PDE1A: variants seen among roughly 807,000 people sequenced by gnomAD.
The protein encoded by PDE1A is phosphodiesterase 1A, also known as dual specificity calcium/calmodulin-dependent 3',5'-cyclic nucleotide phosphodiesterase 1A.
A neutral mutation model predicts 61.7 loss-of-function variants in PDE1A; 35 were observed. The observed-to-expected ratio is 0.57, with a 90% CI of 0.43 to 0.75. PDE1A has a LOEUF of 0.75. Ranked by LOEUF, PDE1A falls within the 30% of genes least tolerant of loss-of-function variation. The pLI is 0.00. For missense variants in PDE1A, 597 were observed against 630.6 expected (o/e 0.95, Z 0.57); for synonymous variants, 232 against 213.2 (o/e 1.09, Z -0.77).
chr2:182,595,717 T>G, the PDE1A span, among the ~76,000 whole-genome samples: 2 of 152,174 alleles, frequency 1.3e-5, no homozygotes, highest in African/African-American at 4.8e-5. Context: ...AAACTAAAAT[T>G]CAGCTTTCTC....
chr2:182,704,104 A>G, the PDE1A span, among the ~76,000 whole-genome samples: 3 of 150,278 alleles, frequency 2.0e-5, no homozygotes, highest in Admixed American at 1.3e-4. Context: ...CCAGCTACTC[A>G]GGAGGCTGAG....
At chr2:182,653,238 C>A in the PDE1A span, among the ~76,000 whole-genome samples, 1 of 152,166 alleles carries the variant, frequency 6.6e-6, no homozygotes, top group East Asian at 1.9e-4. Context: ...GAATTCCATC[C>A]TGAGGTGGAC....
chr2:182,229,457 T>C (rs1559222696), intron 6 of PDE1A, among the ~76,000 whole-genome samples: 1 of 152,128 alleles, frequency 6.6e-6, no homozygotes, highest in South Asian at 2.1e-4. Context: ...TGTCATACAC[T>C]CACTGTTATT....
At chr2:182,266,063 A>G (rs1184557630) in intron 1 of PDE1A, among the ~76,000 whole-genome samples, 1 of 152,208 alleles carries the variant, frequency 6.6e-6, no homozygotes, top group Middle Eastern at 3.2e-3. Flanking sequence ...CTATGGGAAA[A>G]AAAAGACACA....
Position 182,384,491 on chromosome 2 carries a change from A to AATAAT in PDE1A, c.53+42086_53+42087insATTAT, listed in dbSNP as rs1559402165. Reference sequence around the variant, plus strand: ...ATAATAATAATAATAATAATAATAAAATAGAAATCCAGGAGCTGAAAAATA... The same window carrying AATAAT: ...ATAATAATAATAATAATAATAATAAAATAATATAGAAATCCAGGAGCTGAAAAATA... On this transcript the variant is annotated intron_variant, in intron 1 of 13. Coordinates refer to ENST00000351439, the Ensembl canonical transcript of PDE1A. Among the ~76,000 whole-genome samples, 962 of 133,606 alleles carry AATAAT rather than the reference A, an allele frequency of 7.2e-3. 9 individuals are homozygous for AATAAT. The highest frequency in any genetic ancestry group is 0.027 in the African/African-American group (932 of 34,842). 87.7% of individuals were successfully genotyped at this position (133,606 alleles called of 152,430 possible).
chr2:182,459,954 A>G (rs1686168657), intron 2 of PDE1A, among the ~76,000 whole-genome samples: 1 of 152,154 alleles, frequency 6.6e-6, no homozygotes, highest in Admixed American at 6.6e-5. Context: ...TTAAACCCTT[A>G]AGGTCAAATA....
chr2:182,585,824 T>C, the PDE1A span, among the ~76,000 whole-genome samples: 1 of 152,234 alleles, frequency 6.6e-6, no homozygotes, highest in South Asian at 2.1e-4. Flanking sequence ...TTAAATATCA[T>C]CTGTCCTTAT....
At chr2:182,426,639 G>A (rs752782366) in exon 1 of PDE1A, 1 of 1,612,440 alleles carries the variant, frequency 6.2e-7, no homozygotes, top group East Asian at 2.2e-5. Context: ...ATTTAAAGGT[G>A]AAGGTTTAAC....
At chr2:182,186,182 A>G in intron 12 of PDE1A, 103 bp from the exon 13 acceptor site, 4 of 1,222,358 alleles carry the variant, frequency 3.3e-6, no homozygotes, top group Admixed American at 4.9e-5. Context: ...GCAGGATAGT[A>G]GATGCTCAGT....
intron 1 of PDE1A, among the ~76,000 whole-genome samples, chr2:182,358,007 A>G (rs1269438003): frequency 6.6e-6 from 1 of 152,186 alleles, no homozygotes. Context: ...GCTGTGTTGC[A>G]GTTCTTGCCT....
At chr2:182,511,697 T>G (rs190171389) in intron 2 of PDE1A, among the ~76,000 whole-genome samples, 1 of 152,174 alleles carries the variant, frequency 6.6e-6, no homozygotes, top group Non-Finnish European at 1.5e-5. Flanking sequence ...ATTTTCCCCA[T>G]GAGACAGAGC....
chr2:182,240,133 A>T lies in PDE1A; in HGVS notation c.327T>A (p.Val109=), dbSNP rs377139756. The T allele has an allele frequency of 1.7e-5, 27 of 1,613,724 alleles. No individual in the cohort carries two copies. In the African/African-American group the frequency reaches 2.7e-4, roughly 16 times the overall value. Residue 109 remains valine (V), a synonymous_variant, in exon 3 of 14, where the codon GTT becomes GTA. Transcript: ENST00000351439. ...ACCTTTCCACAAAAATTCCAGCTTG[A>T]ACAGCATGCACAATGCTCCGAAATT...
chr2:182,532,603 T>C, the PDE1A span, among the ~76,000 whole-genome samples: 1 of 152,170 alleles, frequency 6.6e-6, no homozygotes, highest in African/African-American at 2.4e-5. Flanking sequence ...TAAAACTCAA[T>C]TGTGATGATA....
chr2:182,327,104 G>T (rs833174), intron 1 of PDE1A, among the ~76,000 whole-genome samples: 1 of 151,974 alleles, frequency 6.6e-6, no homozygotes, highest in Non-Finnish European at 1.5e-5. Flanking sequence ...GGGACACTAT[G>T]GTATATAAAA....
At chr2:182,429,046 T>A (rs1223491721), upstream of PDE1A, among the ~76,000 whole-genome samples, 3 of 152,118 alleles carry the variant, frequency 2.0e-5, no homozygotes, top group Non-Finnish European at 2.9e-5. Context: ...ACATACTTCA[T>A]TACCTTAGGT....
chr2:182,474,313 T>C (rs1687222406), intron 2 of PDE1A, among the ~76,000 whole-genome samples: 1 of 151,860 alleles, frequency 6.6e-6, no homozygotes, highest in South Asian at 2.1e-4. Flanking sequence ...AACATGTTTA[T>C]CAAATGAAAG....
intron 1 of PDE1A, among the ~76,000 whole-genome samples, chr2:182,329,670 C>A (rs754881962): frequency 2.6e-5 from 4 of 152,122 alleles, no homozygotes; most frequent in South Asian, 4.1e-4. Context: ...GGATTACAGG[C>A]GTGAGCCACC....
chr2:182,368,925 C>T (rs1207138875), intron 1 of PDE1A, among the ~76,000 whole-genome samples: 5 of 152,108 alleles, frequency 3.3e-5, no homozygotes, highest in African/African-American at 1.2e-4. Flanking sequence ...TATAAACTAT[C>T]CTTTTGGAAA....
At chr2:182,492,606 T>C (rs115827233) in intron 2 of PDE1A, among the ~76,000 whole-genome samples, 7,991 of 152,318 alleles carry the variant, frequency 0.052, 246 homozygotes, top group Middle Eastern at 0.099. Flanking sequence ...TTATCACTTT[T>C]GCCTATCTGA....
Sources: gnomAD v4.1 joint callset for allele counts (sites outside exome capture counted in the v4.1 genomes callset) on GRCh38, gnomAD v4.1.1 for gene constraint, MANE v1.5 for transcripts, NCBI Gene and HGNC (gene_info 2026-07-23, HGNC 2026-07-21) for gene names.